The following LTV1 variants were observed in gnomAD, a reference collection of about 807,000 sequenced individuals.
The protein encoded by LTV1 is protein LTV1 homolog.
LTV1 carries 39 observed loss-of-function variants against 59.9 expected under a neutral mutation model. That is an observed-to-expected ratio of 0.65 (90% confidence interval 0.50 to 0.85). The LOEUF (loss-of-function observed/expected upper bound fraction) is 0.85, where lower values mean the gene tolerates loss of function less well. Ranked by LOEUF, LTV1 falls within the 40% of genes least tolerant of loss-of-function variation. LTV1 has a pLI of 0.00. For synonymous variants in LTV1, 171 were observed against 189.5 expected (o/e 0.90, Z 0.80); for missense variants, 493 against 549.1 (o/e 0.90, Z 1.02).
rs1300318126 is a variant in LTV1 at position 143,857,095 on chromosome 6, G to T, written c.398-208G>T. On this transcript the variant is annotated intron_variant, in intron 4 of 10. Transcript: ENST00000367576. The surrounding 1 kb of genome is among the most constrained non-coding windows in gnomAD (Gnocchi z 5.2). ...ATGGGAGTTTTATTTATAAGGTCCT[G>T]ACTGGGGCTGAGGCAGCATTTTGTT... Among the ~76,000 whole-genome samples, 1 of 152,188 alleles carries T rather than the reference G, an allele frequency of 6.6e-6. No individual in the cohort carries two copies. Among genetic ancestry groups the T allele is most frequent in the East Asian group, 1.9e-4 (1 of 5,200 alleles).
intron 3 of LTV1, among the ~76,000 whole-genome samples, chr6:143,847,733 A>G (rs1776916771): frequency 6.6e-6 from 1 of 152,236 alleles, no homozygotes; most frequent in Non-Finnish European, 1.5e-5. Flanking sequence ...TAACAGGATA[A>G]GGCTCTTAAA....
At chr6:143,844,423 T>C (rs917159853) in intron 1 of LTV1, 63 bp from the exon 2 acceptor site, 1 of 1,568,966 alleles carries the variant, frequency 6.4e-7, no homozygotes, top group African/African-American at 1.4e-5. Context: ...GTGTGGACTA[T>C]GGAATTATTC....
intron 2 of LTV1, among the ~76,000 whole-genome samples, chr6:143,845,121 C>T (rs1281008698): frequency 2.6e-5 from 4 of 152,094 alleles, no homozygotes; most frequent in African/African-American, 7.2e-5. Context: ...CCTGCTTGCT[C>T]ATCTTAGGAA....
In LTV1 at chr6:143,863,639, GA is replaced by G. The variant is rs947260463; in HGVS notation, c.*116del. The G allele has an allele frequency of 1.2e-4, 74 of 595,546 alleles. No individual in the cohort carries two copies. The African/African-American group carries it at 1.3e-3, about 11-fold the overall frequency. 36.9% of individuals were successfully genotyped at this position (595,546 alleles called of 1,614,324 possible). On this transcript the variant is annotated 3_prime_UTR_variant, in exon 11 of 11. Transcript: ENST00000367576. This position sits in a 1 kb window ranked among gnomAD's most constrained non-coding sequence, Gnocchi z 4.5. ...TGCCATTTTTACTGGCAGATAAGAG[GA>G]AAATACAATATTTGTATTATTTTTA...
At chr6:143,856,479 C>T (rs573481343) in intron 4 of LTV1, among the ~76,000 whole-genome samples, 7 of 152,240 alleles carry the variant, frequency 4.6e-5, no homozygotes, top group African/African-American at 1.4e-4. Context: ...GTTCCCTTGC[C>T]GGCGAGGAGT....
Position 143,863,281 on chromosome 6 carries a change from C to T in LTV1, c.1312C>T (p.Arg438Cys), listed in dbSNP as rs200993633. The change falls in exon 10 of 11, where the codon CGC (arginine) becomes TGC (cysteine). Residue 438 changes from arginine to cysteine, a missense_variant. Physicochemically the swap from Arg to Cys is radical, Grantham distance 180 (BLOSUM62 -3). Coordinates refer to ENST00000367576, the MANE Select transcript of LTV1 (RefSeq NM_032860.5). This position sits in a 1 kb window ranked among gnomAD's most constrained non-coding sequence, Gnocchi z 4.5. ...RARKQAIKEE[R>C]KERRVEKKAN... ...AAGAAAGCAAGCTATAAAAGAAGAGCGCAAGGTAAAATATATTTTTCAAAT... is the reference window on the plus strand; with the variant it reads ...AAGAAAGCAAGCTATAAAAGAAGAGTGCAAGGTAAAATATATTTTTCAAAT... 105 of 1,612,558 alleles carry T rather than the reference C, an allele frequency of 6.5e-5. No individual in the cohort carries two copies. In the Middle Eastern group the frequency reaches 6.6e-4, roughly 10 times the overall value.
At chr6:143,851,638 T>C (rs1246817788) in intron 4 of LTV1, among the ~76,000 whole-genome samples, 1 of 152,116 alleles carries the variant, frequency 6.6e-6, no homozygotes, top group Non-Finnish European at 1.5e-5. Context: ...AGGTTTGTTA[T>C]GTAGGTATAC....
At chr6:143,858,121 AG>A in intron 6 of LTV1, 114 bp downstream of exon 6, 1 of 983,072 alleles carries the variant, frequency 1.0e-6, no homozygotes, top group Non-Finnish European at 1.5e-6. Context: ...AGTCAATCAT[AG>A]GAAGTTTACA....
intron 3 of LTV1, among the ~76,000 whole-genome samples, chr6:143,849,849 C>A (rs555165277): frequency 6.6e-6 from 1 of 152,132 alleles, no homozygotes. Context: ...CGAAGGTTAC[C>A]GGTGATCATT....
At chr6:143,846,006 TGTTTATAGATA>T in intron 2 of LTV1, 34 bp from the exon 3 acceptor site, 1 of 1,578,974 alleles carries the variant, frequency 6.3e-7, no homozygotes, top group South Asian at 1.1e-5. Context: ...GATTCCATTT[TGTTTATAGATA>T]GTGAAGAAAG....
rs2128492296 is a variant in LTV1, at chr6:143,862,067, C to A, written c.924-37C>A. 1.3e-6 allele frequency: 2 copies of A among 1,588,526 alleles called. No homozygotes were observed. Among genetic ancestry groups the A allele is most frequent in the South Asian group, 2.3e-5 (2 of 86,544 alleles). The stretch of plus-strand genomic sequence containing the variant: ...TAGTATAATAATAGGTCATTTTTCC[C>A]CCTCTTGGTCTTCACTTTTAAAAAC... On this transcript the variant is annotated intron_variant, in intron 7 of 10. Transcript: ENST00000367576. The surrounding 1 kb of genome is among the most constrained non-coding windows in gnomAD (Gnocchi z 4.2).
intron 4 of LTV1, among the ~76,000 whole-genome samples, chr6:143,850,635 T>A (rs1170017586): frequency 6.6e-6 from 1 of 152,224 alleles, no homozygotes; most frequent in East Asian, 1.9e-4. Flanking sequence ...TTGGGGGAAA[T>A]TTTTTATTTT....
Position 143,863,225 on chromosome 6 carries a change from C to G in LTV1, c.1256C>G (p.Ser419Cys), listed in dbSNP as rs1399936748. The G allele has an allele frequency of 2.2e-5, 36 of 1,613,848 alleles. No individual in the cohort carries two copies. The highest frequency in any genetic ancestry group is 3.1e-5 in the Non-Finnish European group (36 of 1,179,932). The change falls in exon 10 of 11, where the codon TCT (serine) becomes TGT (cysteine). Residue 419 changes from serine to cysteine, a missense_variant. Ser to Cys is a moderately radical substitution (Grantham distance 112). Transcript: ENST00000367576. The surrounding 1 kb of genome is among the most constrained non-coding windows in gnomAD (Gnocchi z 4.5). ...CCTAAAGTATCAACTCAGCCACGTT[C>G]TAAAAATGAAAGCAAAGAAGATAAA... ...DLPKVSTQPR[S>C]KNESKEDKRA...
intron 6 of LTV1, among the ~76,000 whole-genome samples, chr6:143,859,542 A>T (rs983759012): frequency 1.3e-5 from 2 of 152,236 alleles, no homozygotes; most frequent in Non-Finnish European, 2.9e-5. Context: ...AATAGTTGCC[A>T]TCCAGGTGAA....
intron 4 of LTV1, among the ~76,000 whole-genome samples, chr6:143,856,612 G>A (rs1354537176): frequency 6.6e-6 from 1 of 152,118 alleles, no homozygotes; most frequent in East Asian, 1.9e-4. Flanking sequence ...CCTTTGGATG[G>A]GGTTTCTGTG....
In LTV1 at chr6:143,858,027, G is replaced by T. The variant is rs577805479; in HGVS notation, c.795+20G>T. On this transcript the variant is annotated intron_variant, in intron 6 of 10. Coordinates refer to ENST00000367576, the MANE Select transcript of LTV1 (RefSeq NM_032860.5). The stretch of plus-strand genomic sequence containing the variant: ...GAGAAGGTAAGGTCCCCACATAAGG[G>T]ATGCTTTAGTACTATCTTATGTTAA... The T allele has an allele frequency of 4.3e-6, 7 of 1,612,794 alleles. No individual in the cohort carries two copies. In the African/African-American group the frequency reaches 9.3e-5, roughly 22 times the overall value.
At chr6:143,859,475 G>C (rs1777127791) in intron 6 of LTV1, among the ~76,000 whole-genome samples, 1 of 152,200 alleles carries the variant, frequency 6.6e-6, no homozygotes, top group African/African-American at 2.4e-5. Flanking sequence ...GCCTAAAATG[G>C]TGTCTTGGCA....
chr6:143,849,550 G>A (rs1173413960), intron 3 of LTV1, among the ~76,000 whole-genome samples: 1 of 152,180 alleles, frequency 6.6e-6, no homozygotes, highest in African/African-American at 2.4e-5. Context: ...TAATTTGCTA[G>A]AGAAGGCATT....
intron 3 of LTV1, among the ~76,000 whole-genome samples, chr6:143,848,528 G>C (rs1030796359): frequency 3.3e-5 from 5 of 152,200 alleles, no homozygotes; most frequent in Non-Finnish European, 7.3e-5. Context: ...TTCTCAGTGA[G>C]CCAATGAGGA....
Sources: allele counts gnomAD v4.1 joint callset (sites outside exome capture counted in the v4.1 genomes callset), GRCh38; gene constraint gnomAD v4.1.1; non-coding constraint Gnocchi (gnomAD v3.1); transcripts MANE v1.5; gene names NCBI Gene and HGNC (gene_info 2026-07-23, HGNC 2026-07-21).